The following MCTP1 variants were observed in gnomAD, a reference collection of about 807,000 sequenced individuals.
MCTP1 encodes the protein multiple C2 and transmembrane domain containing 1.
MCTP1 carries 69 observed loss-of-function variants against 120.6 expected under a neutral mutation model. The ratio of observed to expected loss-of-function variants is 0.57; its 90% CI spans 0.47 to 0.70. The LOEUF is 0.70. MCTP1 is among the 30% of genes least tolerant of loss of function. The pLI is 0.00. For missense variants in MCTP1, 1,203 were observed against 1,248.8 expected (o/e 0.96, Z 0.55); for synonymous variants, 529 against 493.1 (o/e 1.07, Z -0.96).
At chr5:94,883,084 T>C (rs970248169) in intron 12 of MCTP1, among the ~76,000 whole-genome samples, 1 of 152,198 alleles carries the variant, frequency 6.6e-6, no homozygotes, top group Non-Finnish European at 1.5e-5. Context: ...GTATGTAAGA[T>C]GTGGTGACAT....
At chr5:94,962,549 G>C (rs1160560482) in intron 2 of MCTP1, among the ~76,000 whole-genome samples, 1 of 151,582 alleles carries the variant, frequency 6.6e-6, no homozygotes, top group Non-Finnish European at 1.5e-5. Context: ...CCATAAAAAG[G>C]AATGAATTAA....
chr5:94,874,373 C>T (rs1798365992), intron 12 of MCTP1, among the ~76,000 whole-genome samples: 1 of 152,056 alleles, frequency 6.6e-6, no homozygotes, highest in East Asian at 1.9e-4. Flanking sequence ...TATTCCCATA[C>T]AGCAGTGTAT....
chr5:95,226,844 C>T (rs779629134), intron 1 of MCTP1, among the ~76,000 whole-genome samples: 82 of 152,192 alleles, frequency 5.4e-4, no homozygotes, highest in African/African-American at 4.6e-4. Flanking sequence ...TTTGAGGTTA[C>T]TTTCCACATG....
chr5:95,047,512 A>G (rs1483363964), intron 1 of MCTP1, among the ~76,000 whole-genome samples: 10 of 152,114 alleles, frequency 6.6e-5, no homozygotes, highest in African/African-American at 2.4e-4. Context: ...AATGAACTTT[A>G]GTAATATTGT....
At chr5:95,037,881 A>G (rs571456225) in intron 1 of MCTP1, among the ~76,000 whole-genome samples, 1 of 152,290 alleles carries the variant, frequency 6.6e-6, no homozygotes, top group East Asian at 1.9e-4. Context: ...AAACAAAAAC[A>G]AAAACAAAAC....
chr5:94,847,621 A>G (rs1267845463), intron 17 of MCTP1, among the ~76,000 whole-genome samples: 1 of 147,928 alleles, frequency 6.8e-6, no homozygotes, highest in East Asian at 2.0e-4. Flanking sequence ...AAAAATCTTT[A>G]CTGATCATAT....
chr5:94,811,399 A>G (rs1290120797), intron 17 of MCTP1, among the ~76,000 whole-genome samples: 1 of 152,216 alleles, frequency 6.6e-6, no homozygotes, highest in Non-Finnish European at 1.5e-5. Context: ...ATCAGAGAAC[A>G]CTAGTTTAGA....
intron 1 of MCTP1, among the ~76,000 whole-genome samples, chr5:95,204,139 G>A (rs1302441796): frequency 6.6e-6 from 1 of 152,016 alleles, no homozygotes; most frequent in Non-Finnish European, 1.5e-5. Context: ...TCCAAATTGA[G>A]AAAGCCTTTT....
chr5:95,168,380 C>T (rs1474966066), intron 1 of MCTP1, among the ~76,000 whole-genome samples: 4 of 152,126 alleles, frequency 2.6e-5, no homozygotes, highest in Non-Finnish European at 5.9e-5. Context: ...GCAATGTGGG[C>T]TCTTTTTTGG....
intron 19 of MCTP1, among the ~76,000 whole-genome samples, chr5:94,739,701 G>T (rs1030145993): frequency 2.6e-5 from 4 of 152,194 alleles, no homozygotes; most frequent in Non-Finnish European, 4.4e-5. Context: ...GTCTTACTCT[G>T]TCGCCCAGCC....
In MCTP1 at chr5:94,975,380, G is replaced by T. The variant is rs367838018; in HGVS notation, c.839-22019C>A. On this transcript the variant is annotated intron_variant, in intron 2 of 22. Coordinates refer to ENST00000515393, the MANE Select transcript of MCTP1 (RefSeq NM_024717.7). ...GGGATTAGTGCCCTTATAAGACAAA[G>T]AAGAGACACGGGAGCTCTCTCTTTC... 4.6e-5 allele frequency among the ~76,000 whole-genome samples: 7 copies of T among 152,004 alleles called. No homozygotes were observed. The South Asian group carries it at 1.5e-3, about 32-fold the overall frequency.
intron 1 of MCTP1, among the ~76,000 whole-genome samples, chr5:95,067,225 G>A (rs975675793): frequency 2.6e-5 from 4 of 152,066 alleles, no homozygotes; most frequent in Non-Finnish European, 4.4e-5. Context: ...TGCACAGCAG[G>A]GTGAGTATAA....
chr5:94,817,204 A>G (rs1434810449), intron 17 of MCTP1, among the ~76,000 whole-genome samples: 1 of 152,110 alleles, frequency 6.6e-6, no homozygotes, highest in Non-Finnish European at 1.5e-5. Context: ...GGAAATCGAG[A>G]CCATCCTGGC....
At chr5:94,736,499 G>C (rs951323044) in intron 19 of MCTP1, among the ~76,000 whole-genome samples, 2 of 151,934 alleles carry the variant, frequency 1.3e-5, no homozygotes, top group African/African-American at 4.8e-5. Context: ...AAATTTTTTT[G>C]GGGGGGATCC....
chr5:94,757,125 G>A (rs529725261), intron 19 of MCTP1, among the ~76,000 whole-genome samples: 4 of 152,118 alleles, frequency 2.6e-5, no homozygotes, highest in East Asian at 1.9e-4. Flanking sequence ...ATGAGATAAC[G>A]CACATCAAGT....
chr5:95,173,847 C>T (rs143395100), intron 1 of MCTP1, among the ~76,000 whole-genome samples: 2,259 of 137,834 alleles, frequency 0.016, 51 homozygotes, highest in African/African-American at 0.057. Context: ...AAAAAAGCAA[C>T]AATTAATTTT....
At chr5:95,008,872 A>G (rs1023199967) in intron 2 of MCTP1, among the ~76,000 whole-genome samples, 2 of 152,080 alleles carry the variant, frequency 1.3e-5, no homozygotes, top group African/African-American at 4.8e-5. Context: ...GAAAGTGTCA[A>G]GAATTCTCCC....
intron 1 of MCTP1, among the ~76,000 whole-genome samples, chr5:95,067,796 G>A (rs1751065322): frequency 6.6e-6 from 1 of 151,744 alleles, no homozygotes; most frequent in African/African-American, 2.4e-5. Flanking sequence ...TCTTTTTTGT[G>A]GTGAGAATAT....
intron 1 of MCTP1, among the ~76,000 whole-genome samples, chr5:95,257,121 A>T (rs1757970329): frequency 6.6e-6 from 1 of 152,208 alleles, no homozygotes. Flanking sequence ...ACATAATTTC[A>T]ATACTGGTAA....
Sources: allele counts gnomAD v4.1 joint callset (sites outside exome capture counted in the v4.1 genomes callset), GRCh38; gene constraint gnomAD v4.1.1; transcripts MANE v1.5; gene names NCBI Gene and HGNC (gene_info 2026-07-23, HGNC 2026-07-21).